The following SNTB1 variants were observed in gnomAD, a reference collection of about 807,000 sequenced individuals.
SNTB1 encodes the protein beta-1-syntrophin.
SNTB1 carries 36 observed loss-of-function variants against 48.9 expected under a neutral mutation model. The observed-to-expected ratio is 0.74, with a 90% CI of 0.56 to 0.97. SNTB1 has a LOEUF of 0.97. Ranked by LOEUF, SNTB1 falls within the 50% of genes least tolerant of loss-of-function variation. SNTB1 has a pLI of 0.00. For missense variants in SNTB1, 786 were observed against 703.4 expected (o/e 1.12, Z -1.33); for synonymous variants, 299 against 294.6 (o/e 1.01, Z -0.15).
chr8:120,544,027 A>G (rs1019002272), intron 5 of SNTB1, among the ~76,000 whole-genome samples: 1 of 151,800 alleles, frequency 6.6e-6, no homozygotes, highest in Non-Finnish European at 1.5e-5. Context: ...TGGGGCTCAA[A>G]GGATCCTTCC....
intron 3 of SNTB1, among the ~76,000 whole-genome samples, chr8:120,628,956 C>G (rs1160736999): frequency 6.6e-6 from 1 of 152,058 alleles, no homozygotes; most frequent in African/African-American, 2.4e-5. Context: ...TCCAGGAGTT[C>G]CAGCCTGGGC....
At chr8:120,561,603 TCTAA>T (rs1296311394) in intron 4 of SNTB1, among the ~76,000 whole-genome samples, 2 of 152,168 alleles carry the variant, frequency 1.3e-5, no homozygotes, top group South Asian at 2.1e-4. Flanking sequence ...TATTCTCTTG[TCTAA>T]CTGTGCTTTA....
chr8:120,657,941 C>T (rs1817527469), intron 2 of SNTB1, among the ~76,000 whole-genome samples: 1 of 152,136 alleles, frequency 6.6e-6, no homozygotes. Flanking sequence ...ATCATTTGTA[C>T]CTATTTTAGG....
chr8:120,763,537 G>A (rs757418604), intron 1 of SNTB1, among the ~76,000 whole-genome samples: 27 of 152,204 alleles, frequency 1.8e-4, no homozygotes, highest in African/African-American at 5.5e-4. Context: ...TACATATGAC[G>A]TAAAATCTGC....
chr8:120,655,240 A>T (rs1180983872), intron 2 of SNTB1, among the ~76,000 whole-genome samples: 1 of 152,258 alleles, frequency 6.6e-6, no homozygotes, highest in Non-Finnish European at 1.5e-5. Context: ...CTTCAGTAAA[A>T]AGAAGTATTC....
At chr8:120,783,846 T>A (rs1819871261) in intron 1 of SNTB1, among the ~76,000 whole-genome samples, 1 of 152,224 alleles carries the variant, frequency 6.6e-6, no homozygotes, top group African/African-American at 2.4e-5. Context: ...AAAATTATTT[T>A]AAAATAACGC....
intron 2 of SNTB1, among the ~76,000 whole-genome samples, chr8:120,649,435 G>T (rs1271865551): frequency 7.1e-5 from 10 of 140,238 alleles, no homozygotes; most frequent in Admixed American, 5.0e-4. Context: ...CGTGTGAGGT[G>T]TCAGTGTGCC....
chr8:120,569,579 C>T (rs10955975), intron 4 of SNTB1, among the ~76,000 whole-genome samples: 152,304 of 152,306 alleles, frequency 1, 76,151 homozygotes, highest in Non-Finnish European at 1. Flanking sequence ...AGACGACATC[C>T]CTCCAGGCAG....
chr8:120,724,978 T>C (rs1212810996), intron 1 of SNTB1, among the ~76,000 whole-genome samples: 4 of 152,244 alleles, frequency 2.6e-5, no homozygotes, highest in Admixed American at 2.0e-4. Flanking sequence ...TGACCACTCC[T>C]GACTTGAACC....
chr8:120,575,450 C>G (rs921421593), intron 3 of SNTB1, among the ~76,000 whole-genome samples: 1 of 152,214 alleles, frequency 6.6e-6, no homozygotes, highest in Admixed American at 6.5e-5. Context: ...AGCCAAGAAG[C>G]AGCCCAGCTG....
chr8:120,766,837 T>C (rs1819534382), intron 1 of SNTB1, among the ~76,000 whole-genome samples: 1 of 152,182 alleles, frequency 6.6e-6, no homozygotes, highest in Admixed American at 6.5e-5. Context: ...CACATTGGGG[T>C]TCATTGCTGT....
chr8:120,548,944 C>T lies in SNTB1; in HGVS notation c.1151G>A (p.Gly384Asp). ...AGCCTGGGGTGATCCCTTTCCTGGA[C>T]CTGAATGGACCAGCCTGGAGAGAGA... is the stretch of plus-strand genomic sequence containing the variant. ...PLLATRLVHSGPGKGSPQAGV... is the reference protein window; with the variant it reads ...PLLATRLVHSDPGKGSPQAGV... Residue 384 changes from glycine to aspartate, a missense_variant, in exon 5 of 7, where the codon GGT becomes GAT. By Grantham distance (94) the Gly-to-Asp change is moderately conservative. Transcript: ENST00000517992. 1 of 1,585,646 alleles carries T rather than the reference C, an allele frequency of 6.3e-7. No homozygotes were observed. The highest frequency in any genetic ancestry group is 8.6e-7 in the Non-Finnish European group (1 of 1,167,144).
At chr8:120,607,471 A>G (rs1182848269) in intron 3 of SNTB1, among the ~76,000 whole-genome samples, 1 of 152,014 alleles carries the variant, frequency 6.6e-6, no homozygotes, top group Non-Finnish European at 1.5e-5. Flanking sequence ...TTAGTTACAT[A>G]TGTATACATG....
At chr8:120,694,030 T>A (rs770009441) in intron 1 of SNTB1, 122 bp from the exon 2 acceptor site, 1 of 751,006 alleles carries the variant, frequency 1.3e-6, no homozygotes, top group Non-Finnish European at 2.2e-6. Context: ...TCTTAAATTC[T>A]CAACGAGATT....
chr8:120,564,176 A>ATTCATGTGT (rs1815710532), intron 4 of SNTB1, among the ~76,000 whole-genome samples: 1 of 152,086 alleles, frequency 6.6e-6, no homozygotes, highest in South Asian at 2.1e-4. Flanking sequence ...TTTCCACCCA[A>ATTCATGTGT]TTCATGTGTT....
intron 1 of SNTB1, among the ~76,000 whole-genome samples, chr8:120,768,065 C>T (rs149018061): frequency 1.2e-4 from 18 of 152,226 alleles, no homozygotes; most frequent in African/African-American, 3.6e-4. Context: ...GTTGATCTGC[C>T]CAAGAGCCAG....
intron 1 of SNTB1, among the ~76,000 whole-genome samples, chr8:120,798,532 A>G (rs1394520387): frequency 1.3e-5 from 2 of 152,074 alleles, no homozygotes; most frequent in African/African-American, 4.8e-5. Context: ...AAATGTCACT[A>G]TCTCTGAAGT....
At chr8:120,685,740 C>G (rs1818020377) in intron 2 of SNTB1, among the ~76,000 whole-genome samples, 1 of 152,170 alleles carries the variant, frequency 6.6e-6, no homozygotes, top group Non-Finnish European at 1.5e-5. Context: ...TTTTCCAGAT[C>G]TTTAAGTGTT....
chr8:120,590,096 C>T (rs1029741917), intron 3 of SNTB1, among the ~76,000 whole-genome samples: 1 of 152,202 alleles, frequency 6.6e-6, no homozygotes, highest in African/African-American at 2.4e-5. Flanking sequence ...TGGACAGGCT[C>T]ATCCTACACT....
Sources: gnomAD v4.1 joint callset for allele counts (sites outside exome capture counted in the v4.1 genomes callset) on GRCh38, gnomAD v4.1.1 for gene constraint, MANE v1.5 for transcripts, NCBI Gene and HGNC (gene_info 2026-07-23, HGNC 2026-07-21) for gene names.